ADGRF4: variants seen among roughly 807,000 people sequenced by gnomAD.
ADGRF4 encodes G-protein coupled receptor PGR18.
In ADGRF4, 63 loss-of-function variants were observed where a neutral mutation model predicts 58.5. The observed-to-expected ratio is 1.08, with a 90% confidence interval of 0.88 to 1.33. The LOEUF (loss-of-function observed/expected upper bound fraction) is 1.33, where lower values mean the gene tolerates loss of function less well. ADGRF4 is among the 40% of genes most tolerant of loss of function. The pLI is 0.00. For synonymous variants in ADGRF4, 313 were observed against 295.4 expected (o/e 1.06, Z -0.61); for missense variants, 931 against 843.9 (o/e 1.10, Z -1.28).
At position 47,712,459 on chromosome 6, in the gene ADGRF4, A is replaced by G. The variant is rs767414642; in HGVS notation, c.403A>G (p.Ile135Val). 5 of 1,614,140 alleles carry G rather than the reference A, an allele frequency of 3.1e-6. No homozygotes were observed. In the East Asian group the frequency reaches 6.7e-5, roughly 22 times the overall value. ...PETIESVAQG[I>V]RKNCPFDYAC... Reference sequence around the variant, plus strand: ...GACCATTGAGAGTGTAGCTCAAGGAATCCGTAAGAACTGCCCCTTTGATTA... The same window carrying G: ...GACCATTGAGAGTGTAGCTCAAGGAGTCCGTAAGAACTGCCCCTTTGATTA... The change falls in exon 5 of 10, where the codon ATC becomes GTC. Residue 135 changes from isoleucine to valine, a missense_variant. Coordinates refer to ENST00000283303, the MANE Select transcript of ADGRF4 (RefSeq NM_153838.5).
chr6:47,700,910 T>C (rs943195494), intron 1 of ADGRF4, among the ~76,000 whole-genome samples: 6 of 151,566 alleles, frequency 4.0e-5, no homozygotes, highest in African/African-American at 1.5e-4. Context: ...TGCTGGGTGC[T>C]GAGGATAGAG....
At chr6:47,707,093 TTCCAG>T (rs1771726666) in intron 1 of ADGRF4, 132 bp from the exon 2 acceptor site, 1 of 608,766 alleles carries the variant, frequency 1.6e-6, no homozygotes, top group African/African-American at 1.8e-5. Context: ...TGGTGTGCTT[TTCCAG>T]GGCAGGCTGC....
At chr6:47,715,877 C>T (rs1772002142) in intron 6 of ADGRF4, among the ~76,000 whole-genome samples, 1 of 152,122 alleles carries the variant, frequency 6.6e-6, no homozygotes, top group African/African-American at 2.4e-5. Context: ...GAAATGCCAA[C>T]TCAGATCAAT....
chr6:47,715,167 A>G lies in ADGRF4; in HGVS notation c.1922A>G (p.Asn641Ser), dbSNP rs1275094935. Reference sequence around the variant, plus strand: ...TTCCATATAATTTTTGCCTTGCTCAATGCTTTCCAGGTAAGTTCCAAGAGG... The same window carrying G: ...TTCCATATAATTTTTGCCTTGCTCAGTGCTTTCCAGGTAAGTTCCAAGAGG... ...LTFHIIFALL[N>S]AFQGFFILLF... Residue 641 changes from asparagine to serine, a missense_variant, in exon 6 of 10, where the codon AAT becomes AGT. Transcript: ENST00000283303. The G allele has an allele frequency of 1.9e-6, 3 of 1,581,874 alleles. No homozygotes were observed. The highest frequency in any genetic ancestry group is 1.7e-4 in the Middle Eastern group (1 of 5,960).
intron 3 of ADGRF4, among the ~76,000 whole-genome samples, chr6:47,708,488 A>T (rs1459321489): frequency 2.0e-5 from 3 of 152,240 alleles, no homozygotes; most frequent in Non-Finnish European, 2.9e-5. Flanking sequence ...GCAAATATTC[A>T]CATGTGCTCT....
chr6:47,719,452 T>C (rs1772106962), intron 9 of ADGRF4, among the ~76,000 whole-genome samples: 1 of 152,228 alleles, frequency 6.6e-6, no homozygotes, highest in African/African-American at 2.4e-5. Context: ...TTACAAAAGT[T>C]GACCCTTCTG....
Position 47,713,954 on chromosome 6 carries a change from G to A in ADGRF4, c.709G>A (p.Glu237Lys), listed in dbSNP as rs1300852273. ...CAATAATTCTGAGAACATTGTGAATGAACTCTTCATTCAGACAAAAGGGTT... is the reference window on the plus strand; with the variant it reads ...CAATAATTCTGAGAACATTGTGAATAAACTCTTCATTCAGACAAAAGGGTT... ...IHNNSENIVNELFIQTKGFHI... is the reference protein window; with the variant it reads ...IHNNSENIVNKLFIQTKGFHI... The change falls in exon 6 of 10, where the codon GAA becomes AAA. Residue 237 changes from glutamate to lysine, a missense_variant. Coordinates refer to ENST00000283303, the MANE Select transcript of ADGRF4 (RefSeq NM_153838.5). The A allele has an allele frequency of 6.2e-7, 1 of 1,607,148 alleles. No individual in the cohort carries two copies. Among genetic ancestry groups the A allele is most frequent in the Non-Finnish European group, 8.5e-7 (1 of 1,176,854 alleles).
At position 47,714,279 on chromosome 6, in the gene ADGRF4, C is replaced by T. The variant is rs753732280; in HGVS notation, c.1034C>T (p.Ala345Val). ...GAAAAGATCAATAAAACCCGCAATGCCAGAGCCCAGTGTGTTGGCTGGCAC... is the reference window on the plus strand; with the variant it reads ...GAAAAGATCAATAAAACCCGCAATGTCAGAGCCCAGTGTGTTGGCTGGCAC... ...TFEKINKTRN[A>V]RAQCVGWHSK... The change falls in exon 6 of 10, where the codon GCC becomes GTC. Residue 345 changes from alanine to valine, a missense_variant. Coordinates refer to ENST00000283303, the MANE Select transcript of ADGRF4 (RefSeq NM_153838.5). The T allele has an allele frequency of 1.2e-6, 2 of 1,614,126 alleles. No individual in the cohort carries two copies. The highest frequency in any genetic ancestry group is 4.5e-5 in the East Asian group (2 of 44,886).
chr6:47,721,454 T>A lies in ADGRF4; in HGVS notation c.*249T>A, dbSNP rs1772156646. ...TACCCGTGCCCTGCAAGAGGCTGGC[T>A]TCTTGGTCAATCTTGACTAGATTAA... On this transcript the variant is annotated 3_prime_UTR_variant, in exon 10 of 10. Coordinates refer to ENST00000283303, the MANE Select transcript of ADGRF4 (RefSeq NM_153838.5). The A allele has an allele frequency of 6.6e-6, 1 of 152,228 alleles. No homozygotes were observed. The highest frequency in any genetic ancestry group is 1.5e-5 in the Non-Finnish European group (1 of 68,066). 9.4% of individuals were successfully genotyped at this position (152,228 alleles called of 1,614,324 possible).
rs142470717 is a variant in ADGRF4, at chr6:47,718,228, A to G, written c.2035-161A>G. Among the ~76,000 whole-genome samples the G allele has an allele frequency of 4.3e-3, 660 of 152,320 alleles. 3 individuals carry two copies. Among genetic ancestry groups the G allele is most frequent in the African/African-American group, 0.014 (575 of 41,572 alleles). On this transcript the variant is annotated intron_variant, in intron 8 of 9. Coordinates refer to ENST00000283303, the MANE Select transcript of ADGRF4 (RefSeq NM_153838.5). Reference sequence around the variant, plus strand: ...ACATAAAAATAACGATGTAGCTTACACTTAGATTCAGTGAAATATGATAAT... The same window carrying G: ...ACATAAAAATAACGATGTAGCTTACGCTTAGATTCAGTGAAATATGATAAT...
At position 47,714,565 on chromosome 6, in the gene ADGRF4, C is replaced by A. The variant is rs758864280; in HGVS notation, c.1320C>A (p.His440Gln). 51 of 1,613,980 alleles carry A rather than the reference C, an allele frequency of 3.2e-5. No individual in the cohort carries two copies. The South Asian group carries it at 5.4e-4, about 17-fold the overall frequency. The stretch of plus-strand genomic sequence containing the variant: ...TGACGGAGATATCATACATGCGTCA[C>A]GTGTGCATCGTGAATATAGCAGTGT... ...VVVTEISYMRHVCIVNIAVSL... is the reference protein window; with the variant it reads ...VVVTEISYMRQVCIVNIAVSL... The change falls in exon 6 of 10, where the codon CAC (histidine) becomes CAA (glutamine). Residue 440 changes from histidine (H) to glutamine (Q), a missense_variant. By Grantham distance (24) the His-to-Gln change is conservative. Coordinates refer to ENST00000283303, the MANE Select transcript of ADGRF4 (RefSeq NM_153838.5).
chr6:47,710,354 T>A (rs1771831356), intron 3 of ADGRF4, among the ~76,000 whole-genome samples: 1 of 152,218 alleles, frequency 6.6e-6, no homozygotes, highest in Non-Finnish European at 1.5e-5. Context: ...CTGCTCTATC[T>A]TATCATCAAT....
Position 47,712,517 on chromosome 6 carries a change from A to C in ADGRF4, c.461A>C (p.Glu154Ala), listed in dbSNP as rs1771897960. The C allele has an allele frequency of 6.2e-7, 1 of 1,613,564 alleles. No homozygotes were observed. The highest frequency in any genetic ancestry group is 2.2e-5 in the East Asian group (1 of 44,880). Residue 154 changes from glutamate (E) to alanine (A), a missense_variant, in exon 5 of 10, where the codon GAA (glutamate) becomes GCA (alanine). By Grantham distance (107) the Glu-to-Ala change is moderately radical. Transcript: ENST00000283303. The part of the protein sequence containing the change: ...ACITDMVKSS[E>A]TTSGNIAFIV... ...ATCACTGACATGGTGAAATCATCAG[A>C]AACAACATCTGGAAATATTGCATTT...
intron 3 of ADGRF4, 84 bp downstream of exon 3, chr6:47,708,362 G>C: frequency 3.0e-6 from 3 of 996,150 alleles, no homozygotes; most frequent in Non-Finnish European, 4.8e-6. Flanking sequence ...CTTGTCCCCA[G>C]ACCACAGGCT....
intron 1 of ADGRF4, among the ~76,000 whole-genome samples, chr6:47,702,880 CTGTCCACTCTTTACCAGAAACTGGT>C (rs1771620628): frequency 6.6e-6 from 1 of 152,238 alleles, no homozygotes; most frequent in Non-Finnish European, 1.5e-5. Context: ...CTAGCACTGG[CTGTCCACTCTTTACCAGAAACTGGT>C]ATGTCCCTCA....
In ADGRF4 at chr6:47,713,870, A is replaced by T; in HGVS notation, c.625A>T (p.Asn209Tyr). 10 of 1,602,256 alleles carry T rather than the reference A, an allele frequency of 6.2e-6. No individual in the cohort carries two copies. Among genetic ancestry groups the T allele is most frequent in the Non-Finnish European group, 8.5e-6 (10 of 1,175,126 alleles). ...ISNWAFIPNK[N>Y]ASSDLLQSVN... ...AAACTGGGCTTTCATTCCCAACAAAAATGCCAGCTCGGATTTGTTGCAGTC... is the reference window on the plus strand; with the variant it reads ...AAACTGGGCTTTCATTCCCAACAAATATGCCAGCTCGGATTTGTTGCAGTC... The change falls in exon 6 of 10, where the codon AAT (asparagine) becomes TAT (tyrosine). Residue 209 changes from asparagine (N) to tyrosine (Y), a missense_variant. By Grantham distance (143) the Asn-to-Tyr change is moderately radical. Coordinates refer to ENST00000283303, the MANE Select transcript of ADGRF4 (RefSeq NM_153838.5).
chr6:47,705,579 A>G (rs1771690422), intron 1 of ADGRF4, among the ~76,000 whole-genome samples: 1 of 152,236 alleles, frequency 6.6e-6, no homozygotes, highest in African/African-American at 2.4e-5. Context: ...CATTGGTTAG[A>G]AACTTGAAAC....
In ADGRF4 at chr6:47,712,485, T is replaced by C. The variant is rs1771896825; in HGVS notation, c.429T>C (p.Tyr143=). The change falls in exon 5 of 10, where the codon TAT becomes TAC. Residue 143 remains tyrosine (Y), a synonymous_variant. Coordinates refer to ENST00000283303, the MANE Select transcript of ADGRF4 (RefSeq NM_153838.5). The part of the protein sequence containing the change: ...QGIRKNCPFD[Y]ACITDMVKSS... ...TCCGTAAGAACTGCCCCTTTGATTA[T>C]GCCTGCATCACTGACATGGTGAAAT... The C allele has an allele frequency of 6.2e-7, 1 of 1,614,034 alleles. No homozygotes were observed. The highest frequency in any genetic ancestry group is 2.2e-5 in the East Asian group (1 of 44,888).
At chr6:47,700,396 C>T (rs867283895) in intron 1 of ADGRF4, among the ~76,000 whole-genome samples, 2 of 152,166 alleles carry the variant, frequency 1.3e-5, no homozygotes, top group African/African-American at 4.8e-5. Context: ...CTCCAGTACC[C>T]AGACAGACTC....
Sources: gnomAD v4.1 joint callset for allele counts (sites outside exome capture counted in the v4.1 genomes callset) on GRCh38, gnomAD v4.1.1 for gene constraint, MANE v1.5 for transcripts, NCBI Gene and HGNC (gene_info 2026-07-23, HGNC 2026-07-21) for gene names.